The following CTIF variants were observed in gnomAD, a reference collection of about 807,000 sequenced individuals.
CTIF encodes the protein cap binding complex dependent translation initiation factor, also known as CBP80/20-dependent translation initiation factor.
A neutral mutation model predicts 66.0 loss-of-function variants in CTIF; 21 were observed. That is an observed-to-expected ratio of 0.32 (90% CI 0.23 to 0.46). The LOEUF (loss-of-function observed/expected upper bound fraction) is 0.46. Among genes scored for constraint, CTIF ranks in the 20% least tolerant of loss-of-function variants. The pLI, the probability that CTIF is intolerant of heterozygous loss-of-function variation, is 1.00. For missense variants in CTIF, 739 were observed against 812.7 expected, an observed-to-expected ratio of 0.91 and a Z score of 1.10; for synonymous variants, 345 against 326.4, an observed-to-expected ratio of 1.06 and a Z score of -0.62.
At chr18:48,740,878 G>C (rs1161858448) in intron 7 of CTIF, among the ~76,000 whole-genome samples, 1 of 152,200 alleles carries the variant, frequency 6.6e-6, no homozygotes, top group Admixed American at 6.5e-5. Flanking sequence ...AGCCCTGCAT[G>C]CCCCGACCCT....
At chr18:48,781,232 C>T (rs1911181225) in intron 9 of CTIF, among the ~76,000 whole-genome samples, 1 of 152,258 alleles carries the variant, frequency 6.6e-6, no homozygotes, top group South Asian at 2.1e-4. Context: ...CACAAGTCAG[C>T]TGTGTGTGCA....
chr18:48,653,362 A>G (rs1568106845), intron 3 of CTIF, among the ~76,000 whole-genome samples: 1 of 152,132 alleles, frequency 6.6e-6, no homozygotes, highest in Non-Finnish European at 1.5e-5. Context: ...TCGTGAGTGA[A>G]CTCCCATTCA....
intron 6 of CTIF, among the ~76,000 whole-genome samples, chr18:48,685,784 C>A (rs9959857): frequency 0.24 from 35,811 of 151,874 alleles, 4,467 homozygotes; most frequent in Middle Eastern, 0.31. Context: ...TCAAGTGATT[C>A]TCCTGCCTCA....
chr18:48,657,198 C>G (rs2091259599), intron 3 of CTIF, among the ~76,000 whole-genome samples: 2 of 152,114 alleles, frequency 1.3e-5, no homozygotes, highest in Admixed American at 6.5e-5. Flanking sequence ...AGCCAAAAAC[C>G]TTGGGAAAGA....
At chr18:48,580,178 C>T (rs2089623135) in intron 1 of CTIF, among the ~76,000 whole-genome samples, 1 of 152,168 alleles carries the variant, frequency 6.6e-6, no homozygotes, top group Non-Finnish European at 1.5e-5. Context: ...CAAGTGGAAG[C>T]CAATTTACCA....
intron 1 of CTIF, among the ~76,000 whole-genome samples, chr18:48,608,403 G>A (rs1054712604): frequency 6.6e-6 from 1 of 152,108 alleles, no homozygotes; most frequent in Non-Finnish European, 1.5e-5. Flanking sequence ...CCATGGTCCA[G>A]ACGTGGCCCC....
chr18:48,598,442 G>A (rs1158602806), intron 1 of CTIF, among the ~76,000 whole-genome samples: 1 of 152,216 alleles, frequency 6.6e-6, no homozygotes, highest in East Asian at 1.9e-4. Context: ...ATGCTCAGGA[G>A]TGCATGAAGC....
intron 9 of CTIF, among the ~76,000 whole-genome samples, chr18:48,772,380 G>A (rs542213224): frequency 1.3e-5 from 2 of 149,416 alleles, no homozygotes; most frequent in South Asian, 2.1e-4. Context: ...GCAGTACCCC[G>A]CATACCTACA....
At chr18:48,636,805 GA>G (rs1019552312) in intron 3 of CTIF, 120 bp downstream of exon 3, 2 of 634,494 alleles carry the variant, frequency 3.2e-6, no homozygotes, top group Non-Finnish European at 4.8e-6. Context: ...AGAGGTGGGA[GA>G]GGGGAGGGGG....
chr18:48,818,531 C>T (rs1002252759), intron 10 of CTIF, among the ~76,000 whole-genome samples: 8 of 152,094 alleles, frequency 5.3e-5, no homozygotes, highest in African/African-American at 1.9e-4. Context: ...GTGGAAGGGT[C>T]TAGAGATCCT....
chr18:48,684,784 T>A (rs2091808206), intron 6 of CTIF, among the ~76,000 whole-genome samples: 1 of 152,178 alleles, frequency 6.6e-6, no homozygotes, highest in Non-Finnish European at 1.5e-5. Flanking sequence ...CCTATGTAAT[T>A]TTATTATTTT....
At chr18:48,770,992 AT>A (rs1387326803) in intron 9 of CTIF, among the ~76,000 whole-genome samples, 3 of 151,498 alleles carry the variant, frequency 2.0e-5, no homozygotes, top group Non-Finnish European at 4.4e-5. Flanking sequence ...CAGCATTTCC[AT>A]TTCCCCCCCC....
intron 7 of CTIF, among the ~76,000 whole-genome samples, chr18:48,748,794 C>T (rs1024142984): frequency 2.0e-5 from 3 of 152,188 alleles, no homozygotes; most frequent in African/African-American, 7.2e-5. Flanking sequence ...GCAGAATGGG[C>T]AACAGCTAAC....
chr18:48,598,478 A>C (rs1372527541), intron 1 of CTIF, among the ~76,000 whole-genome samples: 2 of 152,090 alleles, frequency 1.3e-5, no homozygotes, highest in Non-Finnish European at 2.9e-5. Flanking sequence ...CAATACACAG[A>C]CTCAGAATAT....
rs549422271 is a variant in CTIF, at chr18:48,626,659, T to TG, written c.180+6914_180+6915insG. ...CGCACCTGGCCGTTTTTTTTTTGTT[T>TG]TTTTTTTTTTTTTGAGACAAAGTTT... On this transcript the variant is annotated intron_variant, in intron 2 of 11. Coordinates refer to ENST00000256413, the MANE Select transcript of CTIF (RefSeq NM_014772.3). Among the ~76,000 whole-genome samples, 69 of 146,192 alleles carry TG rather than the reference T, an allele frequency of 4.7e-4. 2 individuals carry two copies. In the South Asian group the frequency reaches 0.014, roughly 29 times the overall value.
intron 5 of CTIF, 176 bp from the exon 6 acceptor site, chr18:48,670,493 C>G (rs299742): frequency 1.2e-4 from 64 of 543,388 alleles, no homozygotes; most frequent in Admixed American, 2.5e-4. Context: ...GGACCCCCCC[C>G]CCACACACAC....
rs149349277 is a variant in CTIF at position 48,846,813 on chromosome 18, G to A, written c.1528-10775G>A. Among the ~76,000 whole-genome samples the A allele has an allele frequency of 5.8e-4, 88 of 151,608 alleles. 1 individual carries two copies. In the East Asian group the frequency reaches 0.014, roughly 24 times the overall value. On this transcript the variant is annotated intron_variant, in intron 10 of 11. Coordinates refer to ENST00000256413, the MANE Select transcript of CTIF (RefSeq NM_014772.3). ...TGGATAGATACATGGATGAAAGGATGGATGGATGGATAGATAGATGAATGA... is the reference window on the plus strand; with the variant it reads ...TGGATAGATACATGGATGAAAGGATAGATGGATGGATAGATAGATGAATGA...
At chr18:48,828,571 T>G (rs2068628678) in intron 10 of CTIF, among the ~76,000 whole-genome samples, 1 of 152,224 alleles carries the variant, frequency 6.6e-6, no homozygotes, top group Non-Finnish European at 1.5e-5. Flanking sequence ...TCCCCTTGCT[T>G]GAAAACAATT....
intron 7 of CTIF, among the ~76,000 whole-genome samples, chr18:48,749,616 C>G (rs1485650278): frequency 2.0e-5 from 3 of 152,222 alleles, no homozygotes; most frequent in Admixed American, 2.0e-4. Flanking sequence ...CAAACAAACA[C>G]TAATATAGCA....
Sources: gnomAD v4.1 joint callset for allele counts (sites outside exome capture counted in the v4.1 genomes callset) on GRCh38, gnomAD v4.1.1 for gene constraint, MANE v1.5 for transcripts, NCBI Gene and HGNC (gene_info 2026-07-23, HGNC 2026-07-21) for gene names.